GSE1: variants seen among roughly 807,000 people sequenced by gnomAD.
GSE1 encodes the protein genetic suppressor element 1.
A neutral mutation model predicts 112.6 loss-of-function variants in GSE1; 32 were observed. The observed-to-expected ratio is 0.28, with a 90% CI of 0.21 to 0.38. The LOEUF (loss-of-function observed/expected upper bound fraction) is 0.38. GSE1 is among the 10% of genes least tolerant of loss of function. GSE1 has a pLI of 1.00. For synonymous variants in GSE1, 1,115 were observed against 735.6 expected, an observed-to-expected ratio of 1.52 and a Z score of -8.35; for missense variants, 2,348 against 1,699.2, an observed-to-expected ratio of 1.38 and a Z score of -6.71.
chr16:85,344,957 C>G (rs2046703023), intron 1 of GSE1, among the ~76,000 whole-genome samples: 1 of 152,230 alleles, frequency 6.6e-6, no homozygotes, highest in Non-Finnish European at 1.5e-5. Context: ...CACCGTGGCT[C>G]ACAGGTTCGC....
chr16:85,286,622 C>G lies in GSE1; in HGVS notation c.2284-70841C>G, dbSNP rs182684748. On this transcript the variant is annotated intron_variant, in intron 1 of 2. Coordinates refer to the GSE1 transcript ENST00000637419. ...GCTGCAACAGTCATCGTGGGCAGCT[C>G]TTGGGCTTGCCAGAAATTATTTGGC... Among the ~76,000 whole-genome samples the G allele has an allele frequency of 4.1e-3, 624 of 152,148 alleles. 5 individuals are homozygous for G. Among genetic ancestry groups the G allele is most frequent in the Middle Eastern group, 0.01 (3 of 290 alleles).
At chr16:85,236,013 CCTGGGGCTGCGGCTGGGGCTGGGG>C (rs1016005362) in intron 1 of GSE1, among the ~76,000 whole-genome samples, 4 of 150,748 alleles carry the variant, frequency 2.7e-5, no homozygotes, top group African/African-American at 9.7e-5. Context: ...TGAGGCTGGG[CCTGGGGCTGCGGCTGGGGCTGGGG>C]CTGGGGCTGG....
intron 2 of GSE1, among the ~76,000 whole-genome samples, chr16:85,383,457 AC>A (rs1425668401): frequency 2.0e-5 from 3 of 151,232 alleles, no homozygotes; most frequent in African/African-American, 7.4e-5. Flanking sequence ...ACATGTACAC[AC>A]AGTCTGTCAC....
chr16:85,274,979 C>G (rs995912152), intron 1 of GSE1, among the ~76,000 whole-genome samples: 5 of 152,238 alleles, frequency 3.3e-5, no homozygotes, highest in Non-Finnish European at 5.9e-5. Flanking sequence ...CCATCAGCAG[C>G]CTTGAGGCTC....
chr16:85,606,390 T>C (rs1308536113), intron 1 of GSE1, among the ~76,000 whole-genome samples: 1 of 152,198 alleles, frequency 6.6e-6, no homozygotes, highest in Non-Finnish European at 1.5e-5. Flanking sequence ...ATCCGTGCAG[T>C]GTAGTGATGC....
chr16:85,486,594 T>G (rs2050847232), intron 2 of GSE1, among the ~76,000 whole-genome samples: 1 of 152,164 alleles, frequency 6.6e-6, no homozygotes, highest in African/African-American at 2.4e-5. Flanking sequence ...GCTCCTGTGG[T>G]GTGGAGTCTC....
At chr16:85,571,503 A>G (rs555854650) in intron 1 of GSE1, among the ~76,000 whole-genome samples, 1 of 152,340 alleles carries the variant, frequency 6.6e-6, no homozygotes, top group Non-Finnish European at 1.5e-5. Flanking sequence ...GCCAGTCCTC[A>G]GCCCAGAAGC....
intron 2 of GSE1, among the ~76,000 whole-genome samples, chr16:85,635,286 C>T (rs959666021): frequency 2.0e-5 from 3 of 152,136 alleles, no homozygotes; most frequent in Non-Finnish European, 4.4e-5. Context: ...GGTCTGGTTT[C>T]CGTACCACCA....
Position 85,668,125 on chromosome 16 carries a change from C to T in GSE1, c.3131-15C>T, listed in dbSNP as rs1239645164. 2 of 1,551,910 alleles carry T rather than the reference C, an allele frequency of 1.3e-6. No homozygotes were observed. Among genetic ancestry groups the T allele is most frequent in the East Asian group, 2.3e-5 (1 of 44,276 alleles). ...TTCCCCCAACACACTGATGCAAGCC[C>T]TGTCCCCTCCACAGGGAGCGTGGCT... On this transcript the variant is annotated splice_polypyrimidine_tract_variant and intron_variant, in intron 13 of 15. Transcript: ENST00000253458.
At chr16:85,491,682 G>A (rs2051015521) in intron 2 of GSE1, among the ~76,000 whole-genome samples, 1 of 152,110 alleles carries the variant, frequency 6.6e-6, no homozygotes, top group South Asian at 2.1e-4. Flanking sequence ...AAGTGGCCGA[G>A]CCTGGTCTCC....
chr16:85,617,604 C>T (rs1012701766), intron 1 of GSE1, among the ~76,000 whole-genome samples: 1 of 101,106 alleles, frequency 9.9e-6, no homozygotes, highest in Non-Finnish European at 2.5e-5. Flanking sequence ...CCTCCCCCCC[C>T]CCCCCCCGTT....
chr16:85,657,222 G>C, intron 7 of GSE1, 55 bp from the exon 8 acceptor site: 1 of 1,223,670 alleles, frequency 8.2e-7, no homozygotes, highest in Non-Finnish European at 1.1e-6. Flanking sequence ...GGACGGGGAG[G>C]GAGCATGCTG....
At chr16:85,631,384 C>A (rs912374306) in intron 1 of GSE1, among the ~76,000 whole-genome samples, 2 of 152,258 alleles carry the variant, frequency 1.3e-5, no homozygotes, top group African/African-American at 4.8e-5. Flanking sequence ...GGCCACCGGC[C>A]TTTTGGGGTC....
At chr16:85,402,056 A>G (rs2048126935) in intron 2 of GSE1, among the ~76,000 whole-genome samples, 1 of 152,150 alleles carries the variant, frequency 6.6e-6, no homozygotes, top group Non-Finnish European at 1.5e-5. Flanking sequence ...AGGCCCAACC[A>G]TTTCCTCACA....
At chr16:85,584,099 C>G (rs559756974) in intron 1 of GSE1, among the ~76,000 whole-genome samples, 2 of 152,344 alleles carry the variant, frequency 1.3e-5, no homozygotes, top group Non-Finnish European at 2.9e-5. Flanking sequence ...GGGACACAGG[C>G]TCGCCAGCTG....
chr16:85,300,517 C>T (rs771364652), intron 1 of GSE1, among the ~76,000 whole-genome samples: 1 of 152,228 alleles, frequency 6.6e-6, no homozygotes, highest in African/African-American at 2.4e-5. Context: ...CCTGTCCGGA[C>T]ATTTCATGTG....
chr16:85,650,507 C>G (rs1035899516), intron 3 of GSE1, among the ~76,000 whole-genome samples: 3 of 152,202 alleles, frequency 2.0e-5, no homozygotes, highest in African/African-American at 4.8e-5. Flanking sequence ...CAGGACGCCT[C>G]GAGGGGATTC....
intron 2 of GSE1, among the ~76,000 whole-genome samples, chr16:85,381,039 GTCC>G (rs1317409855): frequency 1.3e-5 from 2 of 152,200 alleles, no homozygotes; most frequent in African/African-American, 4.8e-5. Flanking sequence ...CACCACCTCC[GTCC>G]AGTGCAAAAA....
chr16:85,537,000 G>A (rs2044352433), intron 2 of GSE1, among the ~76,000 whole-genome samples: 1 of 152,178 alleles, frequency 6.6e-6, no homozygotes, highest in Admixed American at 6.5e-5. Flanking sequence ...CGGCCAGCAG[G>A]CCCCACCCCG....
Sources: gnomAD v4.1 joint callset for allele counts (sites outside exome capture counted in the v4.1 genomes callset) on GRCh38, gnomAD v4.1.1 for gene constraint, MANE v1.5 for transcripts, NCBI Gene and HGNC (gene_info 2026-07-23, HGNC 2026-07-21) for gene names.